Variants in SDHC observed in about 807,000 individuals in gnomAD.
SDHC encodes succinate dehydrogenase cytochrome b560 subunit, mitochondrial.
SDHC carries 11 observed loss-of-function variants against 22.6 expected under a neutral mutation model. The ratio of observed to expected loss-of-function variants is 0.49; its 90% CI spans 0.31 to 0.81. The LOEUF is 0.81. Ranked by LOEUF, SDHC falls within the 30% of genes least tolerant of loss-of-function variation. SDHC has a pLI of 0.05. For synonymous variants in SDHC, 80 were observed against 77.8 expected (o/e 1.03, Z -0.15); for missense variants, 160 against 212.0 (o/e 0.75, Z 1.52).
At chr1:161,323,082 T>C (rs1211656239) in intron 1 of SDHC, among the ~76,000 whole-genome samples, 1 of 151,772 alleles carries the variant, frequency 6.6e-6, no homozygotes, top group Non-Finnish European at 1.5e-5. Context: ...CACTGCAAGC[T>C]CCATGTCCCA....
Position 161,354,735 on chromosome 1 carries a change from C to T in SDHC, c.242-1942C>T, listed in dbSNP as rs574525354. Among the ~76,000 whole-genome samples, 10 of 145,356 alleles carry T rather than the reference C, an allele frequency of 6.9e-5. No homozygotes were observed. The South Asian group carries it at 1.3e-3, about 19-fold the overall frequency. Reference sequence around the variant, plus strand: ...TTTTGTCATTTGAGATGGAGCCTCACGCCTCACTCTGTTGCCCAGGCTGGA... The same window carrying T: ...TTTTGTCATTTGAGATGGAGCCTCATGCCTCACTCTGTTGCCCAGGCTGGA... On this transcript the variant is annotated intron_variant, in intron 4 of 5. Coordinates refer to ENST00000367975, the MANE Select transcript of SDHC (RefSeq NM_003001.5).
intron 4 of SDHC, among the ~76,000 whole-genome samples, chr1:161,348,741 G>A (rs1241955380): frequency 1.3e-4 from 19 of 151,184 alleles, no homozygotes; most frequent in African/African-American, 4.1e-4. Context: ...GGGAGACTGA[G>A]CCAGGAGAAT....
chr1:161,319,146 G>C (rs75694778), intron 1 of SDHC, among the ~76,000 whole-genome samples: 15,880 of 152,048 alleles, frequency 0.1, 1,060 homozygotes, highest in East Asian at 0.21. Flanking sequence ...GCTTGAACTC[G>C]GGAAGTGGAG....
intron 3 of SDHC, among the ~76,000 whole-genome samples, chr1:161,333,534 G>A (rs1671361450): frequency 6.6e-6 from 1 of 151,788 alleles, no homozygotes; most frequent in Admixed American, 6.6e-5. Flanking sequence ...CCCCCAAGTA[G>A]CTGGGACTAC....
intron 5 of SDHC, among the ~76,000 whole-genome samples, chr1:161,361,982 A>G (rs1305384898): frequency 6.6e-6 from 1 of 151,622 alleles, no homozygotes; most frequent in Non-Finnish European, 1.5e-5. Flanking sequence ...GGAAGAATAC[A>G]CCTTGAGAAA....
At chr1:161,320,303 A>G (rs895027908) in intron 1 of SDHC, among the ~76,000 whole-genome samples, 39 of 152,154 alleles carry the variant, frequency 2.6e-4, no homozygotes, top group African/African-American at 9.4e-4. Flanking sequence ...CATTAACCAG[A>G]ACTTTTGTAT....
At chr1:161,332,530 TG>T (rs540227572) in intron 3 of SDHC, among the ~76,000 whole-genome samples, 72 of 152,344 alleles carry the variant, frequency 4.7e-4, no homozygotes, top group African/African-American at 1.6e-3. Context: ...AAATACAATT[TG>T]TATACCATAC....
intron 1 of SDHC, among the ~76,000 whole-genome samples, chr1:161,323,361 A>G (rs1320971564): frequency 6.6e-6 from 1 of 152,058 alleles, no homozygotes; most frequent in Non-Finnish European, 1.5e-5. Context: ...AACTCTGATT[A>G]TTCTTATTCT....
At chr1:161,341,768 T>A (rs993095362) in intron 4 of SDHC, among the ~76,000 whole-genome samples, 5 of 152,236 alleles carry the variant, frequency 3.3e-5, no homozygotes, top group Non-Finnish European at 7.3e-5. Context: ...CCTGGATACA[T>A]GCTCTTAAAG....
At chr1:161,351,269 A>G (rs1445708013) in intron 4 of SDHC, among the ~76,000 whole-genome samples, 1 of 152,088 alleles carries the variant, frequency 6.6e-6, no homozygotes, top group Non-Finnish European at 1.5e-5. Context: ...TATCTTCTAT[A>G]CTTTAGTCTC....
intron 4 of SDHC, 54 bp from the exon 5 acceptor site, chr1:161,356,623 A>G: frequency 6.4e-7 from 1 of 1,572,292 alleles, no homozygotes; most frequent in Non-Finnish European, 8.7e-7. Flanking sequence ...TTTATGTATC[A>G]TATTAGTTGT....
chr1:161,356,606 TC>T (rs1672281698), intron 4 of SDHC, 70 bp from the exon 5 acceptor site: 2 of 1,475,910 alleles, frequency 1.4e-6, no homozygotes, highest in Admixed American at 3.3e-5. Flanking sequence ...GTGCCAGGGG[TC>T]CCAGTTTTAT....
At chr1:161,325,929 G>A (rs932403063) in intron 2 of SDHC, among the ~76,000 whole-genome samples, 3 of 152,142 alleles carry the variant, frequency 2.0e-5, no homozygotes, top group East Asian at 1.9e-4. Flanking sequence ...GGCCTGGCAC[G>A]GTAGCCATGC....
At chr1:161,336,379 C>T (rs148680866) in intron 3 of SDHC, among the ~76,000 whole-genome samples, 3,013 of 151,564 alleles carry the variant, frequency 0.02, 82 homozygotes, top group African/African-American at 0.065. Context: ...CGCTTGAACC[C>T]GGGAGGCGGA....
intron 3 of SDHC, among the ~76,000 whole-genome samples, chr1:161,328,815 G>A (rs142554074): frequency 2.0e-5 from 3 of 152,122 alleles, no homozygotes; most frequent in African/African-American, 4.8e-5. Context: ...TTACATAAAC[G>A]TTGCAGAAAT....
rs78449836 is a variant in SDHC at position 161,340,418 on chromosome 1, G to A, written c.180-176G>A. Among the ~76,000 whole-genome samples, 260 of 151,640 alleles carry A rather than the reference G, an allele frequency of 1.7e-3. 6 individuals carry two copies. In the East Asian group the frequency reaches 0.045, roughly 26 times the overall value. ...TTGGACCCGGGAAGTGGAGGTTGCAGTGAGCTGAGATCATGCCATTGCCAG... is the reference window on the plus strand; with the variant it reads ...TTGGACCCGGGAAGTGGAGGTTGCAATGAGCTGAGATCATGCCATTGCCAG... On this transcript the variant is annotated intron_variant, in intron 3 of 5. Coordinates refer to ENST00000367975, the MANE Select transcript of SDHC (RefSeq NM_003001.5).
chr1:161,315,340 T>G (rs1392237639), intron 1 of SDHC, among the ~76,000 whole-genome samples: 1 of 152,232 alleles, frequency 6.6e-6, no homozygotes, highest in African/African-American at 2.4e-5. Context: ...AGGGACTTTG[T>G]TTAGTTTTTC....
At chr1:161,346,523 C>T (rs1190164078) in intron 4 of SDHC, among the ~76,000 whole-genome samples, 2 of 151,982 alleles carry the variant, frequency 1.3e-5, no homozygotes, top group South Asian at 2.1e-4. Context: ...CTCAGCCTCC[C>T]GACTAGCTGG....
chr1:161,320,982 A>ACGCC (rs1670816249), intron 1 of SDHC, among the ~76,000 whole-genome samples: 1 of 151,982 alleles, frequency 6.6e-6, no homozygotes, highest in Non-Finnish European at 1.5e-5. Context: ...GTGCGCCACT[A>ACGCC]CGCCCAGCTA....
Sources: allele counts gnomAD v4.1 joint callset (sites outside exome capture counted in the v4.1 genomes callset), GRCh38; gene constraint gnomAD v4.1.1; transcripts MANE v1.5; gene names NCBI Gene and HGNC (gene_info 2026-07-23, HGNC 2026-07-21).